Variants in COL8A1 observed in about 807,000 individuals in gnomAD.
COL8A1 encodes collagen type VIII alpha 1 chain.
A neutral mutation model predicts 42.7 loss-of-function variants in COL8A1; 21 were observed. The observed-to-expected ratio is 0.49, with a 90% CI of 0.35 to 0.71. The LOEUF (loss-of-function observed/expected upper bound fraction) is 0.71, where lower values mean the gene tolerates loss of function less well. Among genes scored for constraint, COL8A1 ranks in the 30% least tolerant of loss-of-function variants. COL8A1 has a pLI of 0.01. For synonymous variants in COL8A1, 367 were observed against 369.1 expected, an observed-to-expected ratio of 0.99 and a Z score of 0.06; for missense variants, 788 against 962.4, an observed-to-expected ratio of 0.82 and a Z score of 2.40.
intron 1 of COL8A1, among the ~76,000 whole-genome samples, chr3:99,645,616 G>A (rs1334338879): frequency 4.0e-5 from 6 of 151,446 alleles, no homozygotes; most frequent in Non-Finnish European, 7.4e-5. Flanking sequence ...TTTTCGGATC[G>A]AAGGCAGAGC....
At chr3:99,766,520 A>G in intron 2 of COL8A1, among the ~76,000 whole-genome samples, 1 of 152,248 alleles carries the variant, frequency 6.6e-6, no homozygotes, top group East Asian at 1.9e-4. Context: ...ATCCTTTAAC[A>G]ATACTTCATT....
At chr3:99,777,993 T>G in intron 2 of COL8A1, among the ~76,000 whole-genome samples, 1 of 152,094 alleles carries the variant, frequency 6.6e-6, no homozygotes, top group East Asian at 1.9e-4. Flanking sequence ...CCTTGGCTGG[T>G]TTCCACAGCA....
At position 99,656,336 on chromosome 3, in the gene COL8A1, G is replaced by A. The variant is rs147633284; in HGVS notation, c.-129+17672G>A. 5.0e-3 allele frequency among the ~76,000 whole-genome samples: 757 copies of A among 152,210 alleles called. 6 individuals are homozygous for A. The highest frequency in any genetic ancestry group is 8.0e-3 in the Non-Finnish European group (543 of 68,008). Reference sequence around the variant, plus strand: ...AACCTCATCTCCCTAACACACAGTAGAACACATTATTAACTTTTTGGTTGT... The same window carrying A: ...AACCTCATCTCCCTAACACACAGTAAAACACATTATTAACTTTTTGGTTGT... On this transcript the variant is annotated intron_variant, in intron 1 of 3. Transcript: ENST00000652472.
intron 1 of COL8A1, among the ~76,000 whole-genome samples, chr3:99,671,208 T>C (rs912575970): frequency 1.3e-5 from 2 of 152,046 alleles, no homozygotes; most frequent in East Asian, 1.9e-4. Context: ...AGTAAGTTTA[T>C]GTGATTTCAA....
At chr3:99,671,089 A>G (rs1379500425) in intron 1 of COL8A1, among the ~76,000 whole-genome samples, 1 of 152,032 alleles carries the variant, frequency 6.6e-6, no homozygotes, top group Non-Finnish European at 1.5e-5. Flanking sequence ...AAAATCCTCA[A>G]GGAAAAAAAT....
chr3:99,775,293 A>C (rs1374981164), intron 2 of COL8A1, among the ~76,000 whole-genome samples: 2 of 152,150 alleles, frequency 1.3e-5, no homozygotes, highest in African/African-American at 4.8e-5. Flanking sequence ...TATGAGGTTC[A>C]AGTCTTATAA....
intron 1 of COL8A1, among the ~76,000 whole-genome samples, chr3:99,722,971 T>C (rs1333618146): frequency 6.8e-6 from 1 of 146,916 alleles, no homozygotes; most frequent in South Asian, 2.1e-4. Flanking sequence ...TAGTGGGTTA[T>C]CTTATCTTGA....
intron 1 of COL8A1, among the ~76,000 whole-genome samples, chr3:99,645,695 T>TA (rs1283422808): frequency 3.0e-3 from 426 of 143,232 alleles, no homozygotes; most frequent in African/African-American, 9.2e-3. Context: ...AGTTTTCTTT[T>TA]TAAAAAAAAA....
Position 99,738,714 on chromosome 3 carries a change from G to A in COL8A1, c.-128-6183G>A, listed in dbSNP as rs527538205. On this transcript the variant is annotated intron_variant, in intron 1 of 3. Transcript: ENST00000652472. ...CCTGCCCCCAGAGGTGGAGCCTACA[G>A]AGGCAGGCAGGCCTCCTTGAGCTGT... 2.0e-5 allele frequency among the ~76,000 whole-genome samples: 3 copies of A among 149,488 alleles called. No individual in the cohort carries two copies. In the East Asian group the frequency reaches 6.2e-4, roughly 31 times the overall value.
chr3:99,646,638 C>A (rs918695236), intron 1 of COL8A1, among the ~76,000 whole-genome samples: 4 of 152,118 alleles, frequency 2.6e-5, no homozygotes, highest in Non-Finnish European at 4.4e-5. Context: ...TATACAAAAT[C>A]AGTCAAAATG....
intron 1 of COL8A1, among the ~76,000 whole-genome samples, chr3:99,643,824 G>C (rs1937579359): frequency 1.3e-5 from 2 of 152,192 alleles, no homozygotes; most frequent in African/African-American, 2.4e-5. Context: ...TAGAATGTGA[G>C]ATTTACAGCG....
Position 99,796,006 on chromosome 3 carries a change from G to A in COL8A1, c.2105G>A (p.Gly702Glu), listed in dbSNP as rs1942102286. 1 of 1,613,982 alleles carries A rather than the reference G, an allele frequency of 6.2e-7. No individual in the cohort carries two copies. The highest frequency in any genetic ancestry group is 1.1e-5 in the South Asian group (1 of 91,086). ...AAGGGCTTCCTGGACCAGGCATCTG[G>A]GAGTGCAGTGCTGCTGCTCAGGCCC... ...YKKGFLDQAS[G>E]SAVLLLRPGD... The change falls in exon 4 of 4, where the codon GGG becomes GAG. Residue 702 changes from glycine to glutamate, a missense_variant. Transcript: ENST00000652472.
At chr3:99,731,228 A>C (rs927874412) in intron 1 of COL8A1, among the ~76,000 whole-genome samples, 1 of 152,134 alleles carries the variant, frequency 6.6e-6, no homozygotes, top group Admixed American at 6.6e-5. Flanking sequence ...TATATATAAA[A>C]ATGAGTGCTT....
At chr3:99,742,757 G>C (rs559438468) in intron 1 of COL8A1, among the ~76,000 whole-genome samples, 1 of 152,202 alleles carries the variant, frequency 6.6e-6, no homozygotes, top group African/African-American at 2.4e-5. Context: ...TGTGGGTCTG[G>C]GAAAGTTGTT....
At chr3:99,700,326 G>A (rs755336449) in intron 1 of COL8A1, among the ~76,000 whole-genome samples, 7 of 151,522 alleles carry the variant, frequency 4.6e-5, no homozygotes, top group Non-Finnish European at 1.0e-4. Flanking sequence ...GAACTCGCGT[G>A]AAATGGTGTG....
intron 1 of COL8A1, among the ~76,000 whole-genome samples, chr3:99,699,050 T>C (rs1041431666): frequency 6.6e-6 from 1 of 152,192 alleles, no homozygotes; most frequent in African/African-American, 2.4e-5. Context: ...AGAATAGTTA[T>C]AGGCTAGCTC....
At chr3:99,652,949 G>A (rs1043581527) in intron 1 of COL8A1, among the ~76,000 whole-genome samples, 7 of 152,138 alleles carry the variant, frequency 4.6e-5, no homozygotes, top group African/African-American at 1.7e-4. Context: ...ACTGAAGTTA[G>A]CATAAGAAGC....
intron 1 of COL8A1, among the ~76,000 whole-genome samples, chr3:99,702,965 A>T (rs1399930510): frequency 6.6e-6 from 1 of 152,188 alleles, no homozygotes; most frequent in East Asian, 1.9e-4. Flanking sequence ...GCCCATGCAA[A>T]TATTTTGAAT....
chr3:99,743,508 G>C (rs1021232620), intron 1 of COL8A1, among the ~76,000 whole-genome samples: 3 of 152,146 alleles, frequency 2.0e-5, no homozygotes, highest in Admixed American at 6.5e-5. Flanking sequence ...GCAGATAGAA[G>C]ACATTCAAGT....
Sources: gnomAD v4.1 joint callset for allele counts (sites outside exome capture counted in the v4.1 genomes callset) on GRCh38, gnomAD v4.1.1 for gene constraint, MANE v1.5 for transcripts, NCBI Gene and HGNC (gene_info 2026-07-23, HGNC 2026-07-21) for gene names.